The following C11orf65 variants were observed in gnomAD, a reference collection of about 807,000 sequenced individuals.
The protein encoded by C11orf65 is chromosome 11 open reading frame 65.
In C11orf65, 38 loss-of-function variants were observed where a neutral mutation model predicts 35.3. The ratio of observed to expected loss-of-function variants is 1.08; its 90% CI spans 0.83 to 1.41. The LOEUF (loss-of-function observed/expected upper bound fraction) is 1.41. C11orf65 is among the 40% of genes most tolerant of loss of function. The pLI, the probability that C11orf65 is intolerant of heterozygous loss-of-function variation, is 0.00. For synonymous variants in C11orf65, 105 were observed against 114.4 expected (o/e 0.92, Z 0.53); for missense variants, 370 against 367.1 (o/e 1.01, Z -0.06).
At chr11:108,310,416 A>C in intron 6 of C11orf65, 1 of 1,112,096 alleles carries the variant, frequency 9.0e-7, no homozygotes, top group Non-Finnish European at 1.3e-6. Flanking sequence ...CCCCATTTAA[A>C]AGATATTTTA....
At chr11:108,319,576 CT>C (rs760819041) in intron 6 of C11orf65, among the ~76,000 whole-genome samples, 2 of 152,182 alleles carry the variant, frequency 1.3e-5, no homozygotes, top group African/African-American at 2.4e-5. Flanking sequence ...TCCCTTGTTA[CT>C]TTCCAATACT....
chr11:108,332,956 G>C (rs2086442914), intron 3 of C11orf65: 7 of 1,572,040 alleles, frequency 4.5e-6, no homozygotes, highest in Non-Finnish European at 6.1e-6. Flanking sequence ...TCTCTGTAGA[G>C]ATATATTAGT....
In C11orf65 at chr11:108,435,999, G is replaced by A. The variant is rs144913457; in HGVS notation, c.82-4161C>T. 6.9e-4 allele frequency among the ~76,000 whole-genome samples: 105 copies of A among 151,972 alleles called. No homozygotes were observed. In the East Asian group the frequency reaches 0.011, roughly 15 times the overall value. ...TGGCCCAAGGTAATTGCAAGGGTCCGTATAAAGGACATAGAAGAGTCAGCA... is the reference window on the plus strand; with the variant it reads ...TGGCCCAAGGTAATTGCAAGGGTCCATATAAAGGACATAGAAGAGTCAGCA... On this transcript the variant is annotated intron_variant, in intron 2 of 8. Coordinates refer to ENST00000393084, the MANE Select transcript of C11orf65 (RefSeq NM_152587.5).
chr11:108,361,332 TG>T (rs1441031969), intron 2 of C11orf65, among the ~76,000 whole-genome samples: 156 of 147,762 alleles, frequency 1.1e-3, no homozygotes, highest in Non-Finnish European at 1.9e-3. Flanking sequence ...TCCATGCTCA[TG>T]GGTAGGAAGA....
intron 2 of C11orf65, among the ~76,000 whole-genome samples, chr11:108,369,678 C>G (rs758534133): frequency 6.6e-6 from 1 of 152,126 alleles, no homozygotes; most frequent in South Asian, 2.1e-4. Context: ...ACAGCATACA[C>G]AGTTTTATGT....
intron 6 of C11orf65, among the ~76,000 whole-genome samples, chr11:108,398,494 T>C (rs778145073): frequency 1.3e-5 from 2 of 152,194 alleles, no homozygotes; most frequent in Middle Eastern, 3.2e-3. Context: ...GAGTTTGATA[T>C]AGAAATGCCC....
At chr11:108,411,331 TTC>T (rs1205412053) in intron 3 of C11orf65, among the ~76,000 whole-genome samples, 2 of 152,208 alleles carry the variant, frequency 1.3e-5, no homozygotes, top group Admixed American at 1.3e-4. Flanking sequence ...CTAGAAAACA[TTC>T]TCTGTGATTT....
chr11:108,379,966 T>G, downstream of C11orf65, among the ~76,000 whole-genome samples: 1 of 152,158 alleles, frequency 6.6e-6, no homozygotes, highest in Non-Finnish European at 1.5e-5. Flanking sequence ...TAGATACCCA[T>G]TACATGAGAC....
intron 6 of C11orf65, chr11:108,319,906 T>G (rs1392379931): frequency 3.7e-6 from 5 of 1,344,442 alleles, no homozygotes; most frequent in Non-Finnish European, 5.3e-6. Context: ...CATGTATATC[T>G]TAGGGTTCTG....
rs1435311004 is a variant in C11orf65 at position 108,431,804 on chromosome 11, A to G, written c.116T>C (p.Ile39Thr). Residue 39 changes from isoleucine to threonine, a missense_variant, in exon 3 of 9, where the codon ATT (isoleucine) becomes ACT (threonine). Ile to Thr is a moderately conservative substitution (Grantham distance 89, BLOSUM62 -1). Coordinates refer to ENST00000393084, the MANE Select transcript of C11orf65 (RefSeq NM_152587.5). ...VAIFQHFKSL[I>T]DLRRQGEPRQ... is the part of the protein sequence containing the mutation. ...TGGTTCTCCTTGTCTTCTTAAATCA[A>G]TCAGACTTTTAAAGTGTTGAAATAT... 1 of 1,527,758 alleles carries G rather than the reference A, an allele frequency of 6.5e-7. No individual in the cohort carries two copies. Among genetic ancestry groups the G allele is most frequent in the East Asian group, 2.3e-5 (1 of 43,482 alleles). The allele number at this position is 1,527,758 out of a possible 1,614,324, so 94.6% of individuals were successfully genotyped here. A position where few individuals can be genotyped will look rare whatever the true frequency, so the allele number is the denominator to read the frequency against.
intron 6 of C11orf65, among the ~76,000 whole-genome samples, chr11:108,400,880 G>A (rs4754318): frequency 0.52 from 79,583 of 151,876 alleles, 21,723 homozygotes; most frequent in Middle Eastern, 0.73. Flanking sequence ...GCCGAGGCAG[G>A]CAGATCACAA....
intron 6 of C11orf65, among the ~76,000 whole-genome samples, chr11:108,403,564 C>T (rs2092482734): frequency 6.6e-6 from 1 of 151,922 alleles, no homozygotes; most frequent in African/African-American, 2.4e-5. Flanking sequence ...TCTATGTCCT[C>T]TTTAAAAAAT....
chr11:108,380,641 A>G (rs1434332080), downstream of C11orf65, among the ~76,000 whole-genome samples: 2 of 152,220 alleles, frequency 1.3e-5, no homozygotes, highest in Admixed American at 1.3e-4. Context: ...CCAAGCGCCC[A>G]AAATCATGGG....
chr11:108,321,428 A>G, intron 6 of C11orf65: 1 of 1,614,040 alleles, frequency 6.2e-7, no homozygotes, highest in Non-Finnish European at 8.5e-7. Context: ...AAGGTATGTA[A>G]TTCGTATGAC....
intron 7 of C11orf65, among the ~76,000 whole-genome samples, chr11:108,388,861 G>C (rs2092079100): frequency 6.6e-6 from 1 of 152,220 alleles, no homozygotes; most frequent in Non-Finnish European, 1.5e-5. Context: ...ACAGGAATTT[G>C]CAACAGTACT....
Position 108,331,433 on chromosome 11 carries a change from T to G in C11orf65, c.*117A>C. The G allele has an allele frequency of 6.2e-7, 1 of 1,611,614 alleles. No individual in the cohort carries two copies. On this transcript the variant is annotated 3_prime_UTR_variant, in exon 4 of 4. Coordinates refer to the C11orf65 transcript ENST00000524755. ...TTGTTTCTTAATTTTGTGTCTTTTT[T>G]TTAATGGTAGAGAGACGGAATGAAG...
chr11:108,327,620 T>G (rs1416794124), downstream of C11orf65: 1 of 1,573,706 alleles, frequency 6.4e-7, no homozygotes, highest in Non-Finnish European at 8.7e-7. Context: ...GCATTATATT[T>G]TAAGATTTTG....
intron 6 of C11orf65, chr11:108,325,588 C>T (rs773773721): frequency 6.7e-7 from 1 of 1,487,748 alleles, no homozygotes; most frequent in East Asian, 2.3e-5. Context: ...CTTGACTTTC[C>T]TTTTATTATT....
At chr11:108,319,061 CA>C (rs2084996300) in intron 6 of C11orf65, among the ~76,000 whole-genome samples, 1 of 151,874 alleles carries the variant, frequency 6.6e-6, no homozygotes, top group Admixed American at 6.6e-5. Context: ...TCTGTAGTCC[CA>C]GCTGCTTGGG....
Sources: gnomAD v4.1 joint callset for allele counts (sites outside exome capture counted in the v4.1 genomes callset) on GRCh38, gnomAD v4.1.1 for gene constraint, MANE v1.5 for transcripts, NCBI Gene and HGNC (gene_info 2026-07-23, HGNC 2026-07-21) for gene names.